PARD3: variants seen among roughly 807,000 people sequenced by gnomAD.
PARD3 encodes par-3 family cell polarity regulator.
In PARD3, 75 loss-of-function variants were observed where a neutral mutation model predicts 155.4. The observed-to-expected ratio is 0.48, with a 90% CI of 0.40 to 0.58. The LOEUF (loss-of-function observed/expected upper bound fraction) is 0.58, where lower values mean the gene tolerates loss of function less well. Ranked by LOEUF, PARD3 falls within the 20% of genes least tolerant of loss-of-function variation. The probability of loss-of-function intolerance (pLI) is 0.00; values close to 1 mark genes in which losing one functional copy is unlikely to be tolerated. For synonymous variants in PARD3, 576 were observed against 610.5 expected, an observed-to-expected ratio of 0.94 and a Z score of 0.83; for missense variants, 1,642 against 1,721.7, an observed-to-expected ratio of 0.95 and a Z score of 0.82.
At chr10:34,809,431 C>T (rs1258273619) in intron 1 of PARD3, among the ~76,000 whole-genome samples, 3 of 152,164 alleles carry the variant, frequency 2.0e-5, no homozygotes, top group Non-Finnish European at 4.4e-5. Context: ...ACACCCAGGA[C>T]GTCCCCAGGA....
intron 22 of PARD3, among the ~76,000 whole-genome samples, chr10:34,241,631 AG>A (rs1167566892): frequency 6.6e-6 from 1 of 152,204 alleles, no homozygotes; most frequent in Non-Finnish European, 1.5e-5. Flanking sequence ...GCTGCAATGA[AG>A]GGCCATCAAG....
chr10:34,385,603 A>G (rs1012700029), intron 7 of PARD3, among the ~76,000 whole-genome samples: 3 of 152,232 alleles, frequency 2.0e-5, no homozygotes, highest in African/African-American at 7.2e-5. Context: ...AAGACACCCT[A>G]ATTTTCAAAT....
At chr10:34,688,013 C>T (rs1335100578) in intron 2 of PARD3, among the ~76,000 whole-genome samples, 1 of 151,854 alleles carries the variant, frequency 6.6e-6, no homozygotes, top group Non-Finnish European at 1.5e-5. Flanking sequence ...CACCACCACA[C>T]TCAGCTAATT....
intron 2 of PARD3, among the ~76,000 whole-genome samples, chr10:34,693,778 C>T (rs1275640097): frequency 1.3e-5 from 2 of 152,084 alleles, no homozygotes; most frequent in Non-Finnish European, 2.9e-5. Context: ...CTGCAGTGAG[C>T]TATAATTACA....
chr10:34,747,150 G>T (rs1288106303), intron 1 of PARD3, among the ~76,000 whole-genome samples: 1 of 152,118 alleles, frequency 6.6e-6, no homozygotes, highest in African/African-American at 2.4e-5. Context: ...TTTGTACATT[G>T]GAAATCAATG....
chr10:34,390,128 T>C (rs1160030608), intron 7 of PARD3, among the ~76,000 whole-genome samples: 1 of 151,786 alleles, frequency 6.6e-6, no homozygotes, highest in Non-Finnish European at 1.5e-5. Context: ...AGTTATTAAA[T>C]TAAAATTGAG....
Position 34,135,516 on chromosome 10 carries a change from C to A in PARD3, c.3420-3933G>T, listed in dbSNP as rs183424209. Among the ~76,000 whole-genome samples the A allele has an allele frequency of 3.4e-3, 517 of 152,280 alleles. 4 individuals carry two copies. Among genetic ancestry groups the A allele is most frequent in the African/African-American group, 0.012 (480 of 41,572 alleles). On this transcript the variant is annotated intron_variant, in intron 22 of 24. Transcript: ENST00000374788. Reference sequence around the variant, plus strand: ...CTACGGGGATTGCAGTCTTTGATGTCAGAGGCAGACCATGCGGTGTACAAG... The same window carrying A: ...CTACGGGGATTGCAGTCTTTGATGTAAGAGGCAGACCATGCGGTGTACAAG...
At chr10:34,573,732 CAAAA>C (rs869199986) in intron 2 of PARD3, among the ~76,000 whole-genome samples, 49 of 8,154 alleles carry the variant, frequency 6.0e-3, no homozygotes, top group East Asian at 0.036. Context: ...AACAAACAAA[CAAAA>C]ACACACACAC....
chr10:34,277,873 G>A (rs1176558514), intron 21 of PARD3, among the ~76,000 whole-genome samples: 2 of 152,146 alleles, frequency 1.3e-5, no homozygotes, highest in African/African-American at 4.8e-5. Context: ...GGGGGAGAGA[G>A]ACTGAAAGTG....
At chr10:34,499,076 A>G (rs544162469) in intron 3 of PARD3, among the ~76,000 whole-genome samples, 1 of 152,348 alleles carries the variant, frequency 6.6e-6, no homozygotes, top group South Asian at 2.1e-4. Context: ...GTTCCTGAGA[A>G]TAAAAGTATG....
chr10:34,766,148 C>T (rs1053769356), intron 1 of PARD3, among the ~76,000 whole-genome samples: 3 of 152,148 alleles, frequency 2.0e-5, no homozygotes, highest in Admixed American at 6.5e-5. Flanking sequence ...TCAATCAACA[C>T]GTTGTACTTG....
At chr10:34,292,045 C>T (rs1956699594) in intron 20 of PARD3, among the ~76,000 whole-genome samples, 1 of 152,204 alleles carries the variant, frequency 6.6e-6, no homozygotes, top group African/African-American at 2.4e-5. Context: ...CATACCCATT[C>T]ACAGGATCCT....
rs1491326864 is a variant in PARD3, at chr10:34,355,958, C to CAAAAAAAAA, written c.2067+3188_2067+3189insTTTTTTTTT. Among the ~76,000 whole-genome samples the CAAAAAAAAA allele has an allele frequency of 2.1e-4, 24 of 116,196 alleles. 2 individuals are homozygous for CAAAAAAAAA. The highest frequency in any genetic ancestry group is 4.6e-4 in the African/African-American group (10 of 21,680). The allele number at this position is 116,196 out of a possible 152,430, so 76.2% of individuals were successfully genotyped here. ...AAAAAAAAAAAAAACAAAACAAAAC[C>CAAAAAAAAA]AAACAAAAAAACAGACAACAGACCC... is the stretch of plus-strand genomic sequence containing the variant. On this transcript the variant is annotated intron_variant, in intron 14 of 24. Coordinates refer to ENST00000374788, the MANE Select transcript of PARD3 (RefSeq NM_001184785.2).
intron 22 of PARD3, among the ~76,000 whole-genome samples, chr10:34,244,297 G>A (rs932287376): frequency 6.6e-6 from 1 of 152,114 alleles, no homozygotes; most frequent in African/African-American, 2.4e-5. Context: ...CTGATTAAGG[G>A]ATAATATATT....
chr10:34,525,015 G>C (rs78404568), intron 2 of PARD3, among the ~76,000 whole-genome samples: 2,591 of 152,310 alleles, frequency 0.017, 39 homozygotes, highest in Middle Eastern at 0.048. Context: ...TAATGACACA[G>C]AGACAATACT....
chr10:34,231,266 C>CAAAAAAA (rs57175956), intron 22 of PARD3, among the ~76,000 whole-genome samples: 10 of 81,846 alleles, frequency 1.2e-4, no homozygotes, highest in Non-Finnish European at 1.8e-4. Context: ...TAATCTTAGG[C>CAAAAAAA]AAAAAAAAAA....
rs181749948 is a variant in PARD3, at chr10:34,385,347, G to T, written c.891-1093C>A. ...GCTGGGGTTTCACCATGTTGGCTAG[G>T]CTGGTCTCAAACTCCTGACCTCAGG... On this transcript the variant is annotated intron_variant, in intron 7 of 24. Coordinates refer to ENST00000374788, the MANE Select transcript of PARD3 (RefSeq NM_001184785.2). Among the ~76,000 whole-genome samples the T allele has an allele frequency of 2.5e-3, 382 of 152,148 alleles. 6 individuals are homozygous for T. Among genetic ancestry groups the T allele is most frequent in the Admixed American group, 0.023 (357 of 15,280 alleles).
At chr10:34,478,419 C>T (rs561223932) in intron 3 of PARD3, among the ~76,000 whole-genome samples, 1 of 152,276 alleles carries the variant, frequency 6.6e-6, no homozygotes, top group East Asian at 1.9e-4. Context: ...ATATGTTGCA[C>T]TTGAAACAAC....
At chr10:34,703,612 A>G (rs1437726787) in intron 1 of PARD3, among the ~76,000 whole-genome samples, 1 of 152,230 alleles carries the variant, frequency 6.6e-6, no homozygotes, top group East Asian at 1.9e-4. Context: ...ATTCCCCAAA[A>G]TGACATATGT....
Sources: allele counts gnomAD v4.1 joint callset (sites outside exome capture counted in the v4.1 genomes callset), GRCh38; gene constraint gnomAD v4.1.1; transcripts MANE v1.5; gene names NCBI Gene and HGNC (gene_info 2026-07-23, HGNC 2026-07-21).